GALNT13: variants seen among roughly 807,000 people sequenced by gnomAD.
The protein encoded by GALNT13 is UDP-GalNAc:polypeptide N-acetylgalactosaminyltransferase 13.
In GALNT13, 28 loss-of-function variants were observed where a neutral mutation model predicts 64.2. The observed-to-expected ratio is 0.44, with a 90% confidence interval of 0.32 to 0.60. GALNT13 has a LOEUF of 0.60. Among genes scored for constraint, GALNT13 ranks in the 20% least tolerant of loss-of-function variants. The pLI is 0.05. For missense variants in GALNT13, 577 were observed against 669.8 expected, an observed-to-expected ratio of 0.86 and a Z score of 1.53; for synonymous variants, 214 against 224.6, an observed-to-expected ratio of 0.95 and a Z score of 0.42.
chr2:154,371,744 A>C (rs1697698829), intron 9 of GALNT13, among the ~76,000 whole-genome samples: 1 of 120,184 alleles, frequency 8.3e-6, no homozygotes, highest in African/African-American at 3.4e-5. Flanking sequence ...GGAAAGGTAG[A>C]AAACAAGGCC....
intron 8 of GALNT13, among the ~76,000 whole-genome samples, chr2:154,291,880 G>GT (rs1017272032): frequency 1.3e-5 from 2 of 152,220 alleles, no homozygotes; most frequent in Non-Finnish European, 2.9e-5. Context: ...AAACCTTTTT[G>GT]TTTTTTCCTT....
At chr2:154,266,096 CA>C (rs1690983087) in intron 8 of GALNT13, among the ~76,000 whole-genome samples, 1 of 152,076 alleles carries the variant, frequency 6.6e-6, no homozygotes, top group Non-Finnish European at 1.5e-5. Flanking sequence ...AACAAACAAA[CA>C]AAAGCCCTGA....
At chr2:153,814,079 A>G in the GALNT13 span, among the ~76,000 whole-genome samples, 54 of 152,232 alleles carry the variant, frequency 3.5e-4, no homozygotes, top group Admixed American at 3.5e-3. Context: ...ACAAGAAAGT[A>G]GCAGGCATCT....
the GALNT13 span, among the ~76,000 whole-genome samples, chr2:153,384,043 G>C: frequency 6.6e-6 from 1 of 152,164 alleles, no homozygotes; most frequent in African/African-American, 2.4e-5. Flanking sequence ...AAAGACTTTA[G>C]ATAGCAAAAA....
intron 3 of GALNT13, among the ~76,000 whole-genome samples, chr2:154,120,179 G>A (rs1364534): frequency 0.55 from 83,892 of 151,994 alleles, 24,369 homozygotes; most frequent in East Asian, 0.85. Context: ...GCTTGCTGTC[G>A]GTTTTCCAGT....
At chr2:153,917,552 G>A (rs976545672) in intron 2 of GALNT13, among the ~76,000 whole-genome samples, 8 of 151,956 alleles carry the variant, frequency 5.3e-5, no homozygotes, top group African/African-American at 1.4e-4. Context: ...AACCAAAAAC[G>A]TCTAAATAAT....
chr2:154,367,057 A>G (rs1697404449), intron 9 of GALNT13, among the ~76,000 whole-genome samples: 1 of 152,142 alleles, frequency 6.6e-6, no homozygotes, highest in Non-Finnish European at 1.5e-5. Context: ...TATTTTAGTT[A>G]AATAAACTCC....
intron 11 of GALNT13, chr2:154,435,978 T>C (rs971388457): frequency 1.3e-5 from 2 of 152,152 alleles, no homozygotes; most frequent in African/African-American, 4.8e-5. Context: ...AGGATATGTA[T>C]ATACTGACAT....
At chr2:153,080,688 A>G in the GALNT13 span, among the ~76,000 whole-genome samples, 1 of 152,064 alleles carries the variant, frequency 6.6e-6, no homozygotes, top group South Asian at 2.1e-4. Flanking sequence ...TGTCCGCTTG[A>G]TCTTTCTTGG....
chr2:153,311,785 A>G, the GALNT13 span, among the ~76,000 whole-genome samples: 1 of 152,212 alleles, frequency 6.6e-6, no homozygotes, highest in African/African-American at 2.4e-5. Context: ...CAGAAGTGGC[A>G]TCCCAGAATT....
intron 3 of GALNT13, among the ~76,000 whole-genome samples, chr2:153,983,135 G>A (rs940156165): frequency 1.3e-5 from 2 of 151,882 alleles, no homozygotes; most frequent in Non-Finnish European, 2.9e-5. Flanking sequence ...AGTGAAATTT[G>A]ATGTGAACAG....
At chr2:154,455,038 ACT>A (rs1318492554), downstream of GALNT13, among the ~76,000 whole-genome samples, 5 of 152,126 alleles carry the variant, frequency 3.3e-5, no homozygotes, top group Non-Finnish European at 5.9e-5. Flanking sequence ...AGCTCTGTAA[ACT>A]CTGGTAAACA....
chr2:153,751,654 T>A, the GALNT13 span, among the ~76,000 whole-genome samples: 1 of 151,950 alleles, frequency 6.6e-6, no homozygotes, highest in African/African-American at 2.4e-5. Flanking sequence ...ACTTCTGTCC[T>A]TTTTTAGTTT....
the GALNT13 span, among the ~76,000 whole-genome samples, chr2:153,681,748 C>T: frequency 7.9e-5 from 12 of 151,794 alleles, no homozygotes; most frequent in East Asian, 1.4e-3. Flanking sequence ...TATTTTCCCC[C>T]GCAGTGGCCA....
At chr2:154,365,045 A>G (rs149306103) in intron 9 of GALNT13, among the ~76,000 whole-genome samples, 1 of 152,318 alleles carries the variant, frequency 6.6e-6, no homozygotes, top group East Asian at 1.9e-4. Context: ...TTTAGCACCT[A>G]CTAGACAAAC....
intron 3 of GALNT13, among the ~76,000 whole-genome samples, chr2:154,076,032 A>G (rs59820740): frequency 0.19 from 29,027 of 151,672 alleles, 5,089 homozygotes; most frequent in East Asian, 0.74. Context: ...CTAAAATCTC[A>G]GAGGCATGCA....
chr2:153,657,273 A>C, the GALNT13 span, among the ~76,000 whole-genome samples: 2 of 152,116 alleles, frequency 1.3e-5, no homozygotes, highest in Non-Finnish European at 2.9e-5. Flanking sequence ...GAAGTTATTA[A>C]ATTTTTTGAA....
chr2:154,026,173 C>T (rs949288370), intron 3 of GALNT13, among the ~76,000 whole-genome samples: 16 of 152,024 alleles, frequency 1.1e-4, no homozygotes, highest in Non-Finnish European at 1.6e-4. Flanking sequence ...CTGGAAGAGT[C>T]CACACAGGAA....
chr2:154,248,744 A>G (rs1689917648), intron 7 of GALNT13, among the ~76,000 whole-genome samples: 1 of 152,196 alleles, frequency 6.6e-6, no homozygotes, highest in Non-Finnish European at 1.5e-5. Flanking sequence ...CTGCCCATGT[A>G]GAAATGGCAT....
Sources: gnomAD v4.1 joint callset for allele counts (sites outside exome capture counted in the v4.1 genomes callset) on GRCh38, gnomAD v4.1.1 for gene constraint, MANE v1.5 for transcripts, NCBI Gene and HGNC (gene_info 2026-07-23, HGNC 2026-07-21) for gene names.